SLC35F3: variants seen among roughly 807,000 people sequenced by gnomAD.
SLC35F3 encodes the protein putative thiamine transporter SLC35F3.
In SLC35F3, 25 loss-of-function variants were observed where a neutral mutation model predicts 49.9. That is an observed-to-expected ratio of 0.50 (90% CI 0.37 to 0.70). The LOEUF is 0.70. Among genes scored for constraint, SLC35F3 ranks in the 30% least tolerant of loss-of-function variants. The probability of loss-of-function intolerance (pLI) is 0.00; values close to 1 mark genes in which losing one functional copy is unlikely to be tolerated. For missense variants in SLC35F3, 525 were observed against 639.8 expected (o/e 0.82, Z 1.94); for synonymous variants, 275 against 265.4 (o/e 1.04, Z -0.35).
In SLC35F3 at chr1:234,099,581, G is replaced by A. The variant is rs192446907; in HGVS notation, c.284-131836G>A. On this transcript the variant is annotated intron_variant, in intron 2 of 7. Transcript: ENST00000366618. ...GCTGAGATCGCGCCACTGCACTCCA[G>A]CCTGGCAACAGAGCGAGACTCTGTC... Among the ~76,000 whole-genome samples the A allele has an allele frequency of 4.2e-3, 592 of 139,514 alleles. 7 individuals carry two copies. The highest frequency in any genetic ancestry group is 0.015 in the African/African-American group (556 of 37,158). The allele number at this position is 139,514 out of a possible 152,430, so 91.5% of individuals were successfully genotyped here.
chr1:234,019,609 A>G (rs548019365), intron 2 of SLC35F3, among the ~76,000 whole-genome samples: 28 of 152,286 alleles, frequency 1.8e-4, no homozygotes, highest in African/African-American at 5.3e-4. Flanking sequence ...TTGGAAATCA[A>G]TCTGCTTTCC....
intron 2 of SLC35F3, among the ~76,000 whole-genome samples, chr1:234,171,732 G>A (rs949577830): frequency 2.1e-4 from 32 of 152,126 alleles, no homozygotes; most frequent in Non-Finnish European, 4.4e-4. Flanking sequence ...CAGCTAGACA[G>A]GAAGAATAAT....
At chr1:234,293,028 G>A (rs776755006) in intron 3 of SLC35F3, among the ~76,000 whole-genome samples, 3 of 152,166 alleles carry the variant, frequency 2.0e-5, no homozygotes, top group Admixed American at 2.0e-4. Flanking sequence ...GACTTATGAT[G>A]TCTAAGACTC....
At chr1:233,916,717 T>C (rs1258270691) in intron 2 of SLC35F3, among the ~76,000 whole-genome samples, 1 of 152,224 alleles carries the variant, frequency 6.6e-6, no homozygotes, top group Non-Finnish European at 1.5e-5. Context: ...TGTCTCTCAA[T>C]ACGTTGGAGA....
At chr1:234,102,642 C>A (rs1665230466) in intron 2 of SLC35F3, among the ~76,000 whole-genome samples, 1 of 152,158 alleles carries the variant, frequency 6.6e-6, no homozygotes, top group Non-Finnish European at 1.5e-5. Flanking sequence ...ATCAGAAACC[C>A]CAAATGTCAT....
At chr1:234,199,105 A>G (rs935504793) in intron 2 of SLC35F3, among the ~76,000 whole-genome samples, 5 of 151,778 alleles carry the variant, frequency 3.3e-5, no homozygotes, top group Non-Finnish European at 7.4e-5. Flanking sequence ...GTGCATGCCT[A>G]TAGTCCCAGC....
chr1:234,228,481 A>C (rs1667320676), intron 2 of SLC35F3, among the ~76,000 whole-genome samples: 1 of 152,168 alleles, frequency 6.6e-6, no homozygotes, highest in South Asian at 2.1e-4. Context: ...CATGCTTTAC[A>C]CTTATTTATA....
chr1:233,963,246 C>T (rs1662834358), intron 2 of SLC35F3, among the ~76,000 whole-genome samples: 4 of 152,032 alleles, frequency 2.6e-5, no homozygotes, highest in Admixed American at 2.6e-4. Context: ...TCTATTTCTC[C>T]CCATTGTGGA....
intron 3 of SLC35F3, among the ~76,000 whole-genome samples, chr1:234,281,783 C>T (rs1001738): frequency 0.017 from 2,647 of 152,090 alleles, 66 homozygotes; most frequent in African/African-American, 0.054. Flanking sequence ...CCTGTGCTGC[C>T]AGATCCTGTG....
intron 2 of SLC35F3, among the ~76,000 whole-genome samples, chr1:234,106,957 A>G (rs571124307): frequency 1.3e-5 from 2 of 152,340 alleles, no homozygotes; most frequent in South Asian, 2.1e-4. Flanking sequence ...AAAATTGTTT[A>G]AGTCACTTTT....
intron 2 of SLC35F3, among the ~76,000 whole-genome samples, chr1:233,962,328 A>G (rs1333123787): frequency 6.6e-6 from 1 of 152,226 alleles, no homozygotes; most frequent in East Asian, 1.9e-4. Flanking sequence ...TACTTATCAA[A>G]CTATGCTTGT....
intron 2 of SLC35F3, among the ~76,000 whole-genome samples, chr1:234,205,754 A>G (rs1420507019): frequency 6.6e-6 from 1 of 152,214 alleles, no homozygotes; most frequent in Non-Finnish European, 1.5e-5. Context: ...AGGCAAAGTA[A>G]GCCAGCACCA....
At chr1:234,137,076 CA>C (rs1170710727) in intron 2 of SLC35F3, among the ~76,000 whole-genome samples, 3 of 152,146 alleles carry the variant, frequency 2.0e-5, no homozygotes, top group Non-Finnish European at 4.4e-5. Context: ...CTGGAAGCAC[CA>C]TGAGTGAACT....
chr1:233,922,563 G>A, intron 2 of SLC35F3, among the ~76,000 whole-genome samples: 1 of 149,100 alleles, frequency 6.7e-6, no homozygotes, highest in Admixed American at 6.7e-5. Flanking sequence ...TGTCAGATGG[G>A]TAGATTGCAA....
chr1:234,049,128 G>A (rs1386855101), intron 2 of SLC35F3, among the ~76,000 whole-genome samples: 1 of 152,178 alleles, frequency 6.6e-6, no homozygotes, highest in Non-Finnish European at 1.5e-5. Flanking sequence ...GACTTTGGAG[G>A]TTGTTGGGAT....
chr1:234,278,751 T>C (rs1432316165), intron 3 of SLC35F3, among the ~76,000 whole-genome samples: 12 of 152,012 alleles, frequency 7.9e-5, no homozygotes. Context: ...CAGAGAGCTG[T>C]CTTCTTGTTG....
rs1657587494 is a variant in SLC35F3, at chr1:234,320,307, C to G, written c.1237+120C>G. The G allele has an allele frequency of 5.6e-6, 4 of 710,306 alleles. No homozygotes were observed. The Admixed American group carries it at 7.8e-5, about 14-fold the overall frequency. 44.0% of individuals were successfully genotyped at this position (710,306 alleles called of 1,614,324 possible). ...TCACACATACACTCACATACACACACTCATGCATACACACACACACACATA... is the reference window on the plus strand; with the variant it reads ...TCACACATACACTCACATACACACAGTCATGCATACACACACACACACATA... On this transcript the variant is annotated intron_variant, in intron 7 of 7. Coordinates refer to ENST00000366618, the MANE Select transcript of SLC35F3 (RefSeq NM_173508.4). This position sits in a 1 kb window ranked among gnomAD's most constrained non-coding sequence, Gnocchi z 4.8.
At chr1:234,120,784 A>G (rs944118170) in intron 2 of SLC35F3, among the ~76,000 whole-genome samples, 2 of 152,200 alleles carry the variant, frequency 1.3e-5, no homozygotes, top group East Asian at 1.9e-4. Flanking sequence ...AGACACTCCA[A>G]TCTGTTTGCA....
At chr1:234,285,469 AAAC>A in intron 3 of SLC35F3, 1 of 392,294 alleles carries the variant, frequency 2.5e-6, no homozygotes, top group Non-Finnish European at 5.0e-6. Context: ...GCAACAGTAA[AAAC>A]AAGTAAAAAC....
Sources: gnomAD v4.1 joint callset for allele counts (sites outside exome capture counted in the v4.1 genomes callset) on GRCh38, gnomAD v4.1.1 for gene constraint, Gnocchi (gnomAD v3.1) non-coding constraint, MANE v1.5 for transcripts, NCBI Gene and HGNC (gene_info 2026-07-23, HGNC 2026-07-21) for gene names.